Variants in GUCA1C observed in about 807,000 individuals in gnomAD.
The protein encoded by GUCA1C is guanylate cyclase activator 1C, also known as guanylyl cyclase-activating protein 3.
Under a neutral mutation model 16.2 loss-of-function variants are expected in GUCA1C, and 15 were observed. That is an observed-to-expected ratio of 0.93 (90% CI 0.62 to 1.43). GUCA1C has a LOEUF of 1.43. Ranked by LOEUF, GUCA1C falls within the 40% of genes most tolerant of loss-of-function variation. GUCA1C has a pLI of 0.00. For missense variants in GUCA1C, 275 were observed against 244.8 expected (o/e 1.12, Z -0.82); for synonymous variants, 78 against 85.4 (o/e 0.91, Z 0.48).
At chr3:108,914,468 C>T (rs994333336) in intron 3 of GUCA1C, among the ~76,000 whole-genome samples, 18 of 152,238 alleles carry the variant, frequency 1.2e-4, no homozygotes, top group African/African-American at 4.1e-4. Context: ...CCAAAATCTT[C>T]GTACTTCTCC....
chr3:108,939,420 G>A (rs1249358942), intron 1 of GUCA1C, among the ~76,000 whole-genome samples: 3 of 133,862 alleles, frequency 2.2e-5, no homozygotes, highest in African/African-American at 8.5e-5. Flanking sequence ...TCCGCCTCCC[G>A]GGTTCAAGAG....
intron 2 of GUCA1C, among the ~76,000 whole-genome samples, chr3:108,918,745 C>CAG (rs1299135264): frequency 6.6e-6 from 1 of 152,146 alleles, no homozygotes; most frequent in Non-Finnish European, 1.5e-5. Context: ...GTATTGTATG[C>CAG]AGAGAGAACT....
At chr3:108,919,239 G>C (rs1242792012) in intron 2 of GUCA1C, among the ~76,000 whole-genome samples, 1 of 151,128 alleles carries the variant, frequency 6.6e-6, no homozygotes, top group Non-Finnish European at 1.5e-5. Flanking sequence ...CCCTTTCTAA[G>C]TTTAGCCCTT....
chr3:108,953,373 T>TCCG (rs1946915403), intron 1 of GUCA1C, among the ~76,000 whole-genome samples, 186 bp downstream of exon 1: 2 of 152,254 alleles, frequency 1.3e-5, no homozygotes, highest in East Asian at 3.9e-4. Flanking sequence ...CCCAATTATT[T>TCCG]TCATGCCGTC....
At chr3:108,931,790 C>G (rs902646979) in intron 1 of GUCA1C, among the ~76,000 whole-genome samples, 7 of 151,110 alleles carry the variant, frequency 4.6e-5, no homozygotes, top group African/African-American at 1.7e-4. Flanking sequence ...GCAAATGTGA[C>G]TAAGAAGGAT....
chr3:108,953,770 C>T lies in GUCA1C; in HGVS notation c.-8G>A, dbSNP rs1293371386. 3 of 1,601,532 alleles carry T rather than the reference C, an allele frequency of 1.9e-6. No homozygotes were observed. The Admixed American group carries it at 5.0e-5, about 27-fold the overall frequency. ...AGATTTGCCATTCCCCATCTTGACT[C>T]ACAGTCTACAGCTTTTCCTCAGGTT... On this transcript the variant is annotated 5_prime_UTR_variant, in exon 1 of 4. Transcript: ENST00000261047.
chr3:108,932,924 C>CAAAAAAAAAAAAAAAAAAAAAAAAAAACA (rs57918246), intron 1 of GUCA1C, among the ~76,000 whole-genome samples: 1 of 68,684 alleles, frequency 1.5e-5, no homozygotes, highest in Admixed American at 1.6e-4. Flanking sequence ...AAAAAAATCT[C>CAAAAAAAAAAAAAAAAAAAAAAAAAAACA]AAAAAAAAAA....
At chr3:108,947,368 G>A (rs1946853117) in intron 1 of GUCA1C, among the ~76,000 whole-genome samples, 4 of 152,184 alleles carry the variant, frequency 2.6e-5, no homozygotes, top group Admixed American at 2.0e-4. Flanking sequence ...GAAGAGGAGG[G>A]GTTGGTTTTG....
At chr3:108,933,294 C>G (rs144527169) in intron 1 of GUCA1C, among the ~76,000 whole-genome samples, 30 of 152,188 alleles carry the variant, frequency 2.0e-4, no homozygotes, top group Non-Finnish European at 3.5e-4. Context: ...TAGTGAGGCT[C>G]AGGAAAGGAG....
At chr3:108,917,948 G>C (rs1946534095) in intron 2 of GUCA1C, among the ~76,000 whole-genome samples, 1 of 152,186 alleles carries the variant, frequency 6.6e-6, no homozygotes, top group South Asian at 2.1e-4. Flanking sequence ...AGGAGGCTGA[G>C]GCAGGAGAAT....
intron 3 of GUCA1C, among the ~76,000 whole-genome samples, chr3:108,913,628 C>T (rs1350420502): frequency 2.0e-5 from 3 of 152,024 alleles, no homozygotes; most frequent in Non-Finnish European, 2.9e-5. Flanking sequence ...CATGATGAAA[C>T]GATGTAACAA....
At chr3:108,911,743 TGTTA>T (rs941176941) in intron 3 of GUCA1C, among the ~76,000 whole-genome samples, 1 of 152,222 alleles carries the variant, frequency 6.6e-6, no homozygotes, top group East Asian at 1.9e-4. Context: ...TGGTCTTTCT[TGTTA>T]GTTAATCAAT....
Position 108,913,230 on chromosome 3 carries a change from A to AATAT in GUCA1C, c.442+2893_442+2896dup, listed in dbSNP as rs57364462. ...TGCTTGCTTTTTATTTTGAGAAATAAATATATATATATATATATGTCAGTG... is the reference window on the plus strand; with the variant it reads ...TGCTTGCTTTTTATTTTGAGAAATAAATATATATATATATATATATATGTCAGTG... On this transcript the variant is annotated intron_variant, in intron 3 of 3. Transcript: ENST00000261047. Among the ~76,000 whole-genome samples the AATAT allele has an allele frequency of 4.4e-3, 647 of 147,788 alleles. 6 individuals are homozygous for AATAT. The highest frequency in any genetic ancestry group is 5.6e-3 in the African/African-American group (227 of 40,518).
In GUCA1C at chr3:108,948,692, A is replaced by G. The variant is rs544116490; in HGVS notation, c.204+4867T>C. ...TGTTGGTGTTAAGAAGCTCAATGCT[A>G]TTTTGGTTTCTATTTCTGTTTTCTT... On this transcript the variant is annotated intron_variant, in intron 1 of 3. Coordinates refer to ENST00000261047, the MANE Select transcript of GUCA1C (RefSeq NM_005459.4). Among the ~76,000 whole-genome samples the G allele has an allele frequency of 5.3e-5, 8 of 151,934 alleles. No individual in the cohort carries two copies. The East Asian group carries it at 1.2e-3, about 22-fold the overall frequency.
chr3:108,925,192 C>A (rs574175303), intron 1 of GUCA1C, among the ~76,000 whole-genome samples: 5 of 151,648 alleles, frequency 3.3e-5, no homozygotes, highest in African/African-American at 1.2e-4. Flanking sequence ...AGATTAATCA[C>A]GTTTATCCAG....
intron 1 of GUCA1C, among the ~76,000 whole-genome samples, chr3:108,951,054 AAAAG>A (rs1209952065): frequency 6.6e-6 from 1 of 152,190 alleles, no homozygotes; most frequent in Non-Finnish European, 1.5e-5. Context: ...ACATAAAAGA[AAAAG>A]AAAAATATTG....
intron 1 of GUCA1C, among the ~76,000 whole-genome samples, chr3:108,939,776 C>T (rs1000100956): frequency 2.0e-5 from 3 of 152,062 alleles, no homozygotes; most frequent in East Asian, 3.8e-4. Flanking sequence ...ACTTAGACTG[C>T]GGTCTCTCTT....
At chr3:108,930,845 A>G (rs1019098012) in intron 1 of GUCA1C, among the ~76,000 whole-genome samples, 1 of 152,218 alleles carries the variant, frequency 6.6e-6, no homozygotes, top group African/African-American at 2.4e-5. Flanking sequence ...TAGCAGAGCT[A>G]TGACTGAGAC....
At position 108,924,453 on chromosome 3, in the gene GUCA1C, T is replaced by C. The variant is rs1018565360; in HGVS notation, c.205-3868A>G. 2.0e-5 allele frequency among the ~76,000 whole-genome samples: 3 copies of C among 152,172 alleles called. No individual in the cohort carries two copies. The East Asian group carries it at 5.8e-4, about 29-fold the overall frequency. On this transcript the variant is annotated intron_variant, in intron 1 of 3. Transcript: ENST00000261047. ...GTGGTGTATTACATTTATTAACTTA[T>C]GTATGTTAAGCCATCCCTGCATCCC...
Sources: allele counts gnomAD v4.1 joint callset (sites outside exome capture counted in the v4.1 genomes callset), GRCh38; gene constraint gnomAD v4.1.1; transcripts MANE v1.5; gene names NCBI Gene and HGNC (gene_info 2026-07-23, HGNC 2026-07-21).